Variants in CRHR1 observed in about 807,000 individuals in gnomAD.
CRHR1 encodes corticotropin releasing hormone receptor 1.
In CRHR1, 28 loss-of-function variants were observed where a neutral mutation model predicts 56.0. That is an observed-to-expected ratio of 0.50 (90% CI 0.37 to 0.69). The LOEUF (loss-of-function observed/expected upper bound fraction) is 0.69, where lower values mean the gene tolerates loss of function less well. Ranked by LOEUF, CRHR1 falls within the 30% of genes least tolerant of loss-of-function variation. The probability of loss-of-function intolerance (pLI) is 0.00; values close to 1 mark genes in which losing one functional copy is unlikely to be tolerated. For missense variants in CRHR1, 376 were observed against 548.0 expected, an observed-to-expected ratio of 0.69 and a Z score of 3.13; for synonymous variants, 195 against 216.5, an observed-to-expected ratio of 0.90 and a Z score of 0.87.
At chr17:45,833,693 T>TGGGGGGGGGGCCCCC in intron 10 of CRHR1, 21 bp from the exon 11 acceptor site, 9 of 1,571,600 alleles carry the variant, frequency 5.7e-6, no homozygotes, top group Non-Finnish European at 7.8e-6. Flanking sequence ...ACTCCGAGCC[T>TGGGGGGGGGGCCCCC]CCCCACCCGC....
intron 1 of CRHR1, among the ~76,000 whole-genome samples, chr17:45,802,944 G>T (rs576131986): frequency 4.6e-5 from 7 of 152,128 alleles, no homozygotes; most frequent in African/African-American, 1.7e-4. Flanking sequence ...GGTGGTTTTC[G>T]TGCACTTAGG....
rs758724600 is a variant in CRHR1 at position 45,829,276 on chromosome 17, C to T, written c.389C>T (p.Ser130Phe). ...ATCAACTACCTGGGCCACTGTATCT[C>T]CCTGGTGGCCCTCCTGGTGGCCTTT... is the stretch of plus-strand genomic sequence containing the variant. ...VIINYLGHCI[S>F]LVALLVAFVL... The change falls in exon 5 of 13, where the codon TCC (serine) becomes TTC (phenylalanine). Residue 130 changes from serine to phenylalanine, a missense_variant. This residue lies in a region of CRHR1 where 369 missense variants were observed against 519.5 expected (regional missense o/e 0.71). Coordinates refer to ENST00000314537, the MANE Select transcript of CRHR1 (RefSeq NM_004382.5). 1 of 1,614,134 alleles carries T rather than the reference C, an allele frequency of 6.2e-7. No homozygotes were observed. Among genetic ancestry groups the T allele is most frequent in the Non-Finnish European group, 8.5e-7 (1 of 1,180,036 alleles).
chr17:45,821,335 CCT>C lies in CRHR1; in HGVS notation c.242-13_242-12del. On this transcript the variant is annotated intron_variant, in intron 3 of 12. Coordinates refer to ENST00000314537, the MANE Select transcript of CRHR1 (RefSeq NM_004382.5). ...GGCCGGGGCTGCCCCGCCATCACTG[CCT>C]CTCTCTTCCTTTTCCAGACAATGGC... The C allele has an allele frequency of 6.2e-7, 1 of 1,611,848 alleles. No homozygotes were observed. The highest frequency in any genetic ancestry group is 1.1e-5 in the South Asian group (1 of 91,056).
chr17:45,807,072 C>G lies in CRHR1; in HGVS notation c.96C>G (p.Ser32Arg). 1 of 1,614,084 alleles carries G rather than the reference C, an allele frequency of 6.2e-7. No individual in the cohort carries two copies. Among genetic ancestry groups the G allele is most frequent in the Non-Finnish European group, 8.5e-7 (1 of 1,179,996 alleles). ...SASLQDQHCE[S>R]LSLASNISGL... ...CCCTCCAGGACCAGCACTGCGAGAGCCTGTCCCTGGCCAGCAACATCTCAG... is the reference window on the plus strand; with the variant it reads ...CCCTCCAGGACCAGCACTGCGAGAGGCTGTCCCTGGCCAGCAACATCTCAG... The change falls in exon 2 of 13, where the codon AGC becomes AGG. Residue 32 changes from serine to arginine, a missense_variant. Transcript: ENST00000314537.
chr17:45,815,354 C>A (rs989799271), intron 2 of CRHR1, among the ~76,000 whole-genome samples: 7 of 152,202 alleles, frequency 4.6e-5, no homozygotes, highest in African/African-American at 1.4e-4. Flanking sequence ...CTTTGGAGGC[C>A]ATATCCACCC....
intron 2 of CRHR1, among the ~76,000 whole-genome samples, chr17:45,810,442 G>T (rs1368199260): frequency 6.6e-6 from 1 of 152,180 alleles, no homozygotes; most frequent in Non-Finnish European, 1.5e-5. Context: ...GCTCAGAGAA[G>T]TTAAACGAGT....
Position 45,833,698 on chromosome 17 carries a change from ACCCGC to A in CRHR1, c.930-12_930-8del. 2.9e-6 allele frequency: 1 copy of A among 340,388 alleles called. No individual in the cohort carries two copies. Among genetic ancestry groups the A allele is most frequent in the Non-Finnish European group, 4.8e-6 (1 of 208,372 alleles). 21.1% of individuals were successfully genotyped at this position (340,388 alleles called of 1,614,324 possible). A position where few individuals can be genotyped will look rare whatever the true frequency, so the allele number is the denominator to read the frequency against. On this transcript the variant is annotated splice_polypyrimidine_tract_variant and intron_variant, in intron 10 of 12. Transcript: ENST00000314537. ...GTGGGCTGTGACTCCGAGCCTCCCC[ACCCGC>A]CCCACCCCAGGAAGGCTGTGAAAGC...
intron 1 of CRHR1, among the ~76,000 whole-genome samples, chr17:45,791,742 C>T (rs962657394): frequency 1.3e-5 from 2 of 151,996 alleles, no homozygotes; most frequent in African/African-American, 2.4e-5. Flanking sequence ...GGCTGCTCCT[C>T]CTCCCCAGAA....
Position 45,835,000 on chromosome 17 carries a change from G to A in CRHR1, c.*236G>A, listed in dbSNP as rs1326428570. ...CGGGCCCAGGGCCTCTGGCTTCCCT[G>A]CCCAATCCTCCCTGGAGAAGGGACA... On this transcript the variant is annotated 3_prime_UTR_variant, in exon 13 of 13. Transcript: ENST00000314537. The A allele has an allele frequency of 3.5e-6, 2 of 571,110 alleles. No individual in the cohort carries two copies. The highest frequency in any genetic ancestry group is 5.0e-5 in the South Asian group (2 of 40,394). The allele number at this position is 571,110 out of a possible 1,614,324, so 35.4% of individuals were successfully genotyped here.
chr17:45,817,262 C>A (rs563096653), intron 3 of CRHR1, among the ~76,000 whole-genome samples: 1 of 152,248 alleles, frequency 6.6e-6, no homozygotes, highest in Non-Finnish European at 1.5e-5. Context: ...TTGCTCTCCC[C>A]TGTCAATGAG....
intron 1 of CRHR1, among the ~76,000 whole-genome samples, chr17:45,801,253 G>A (rs963463164): frequency 3.9e-5 from 6 of 152,068 alleles, no homozygotes; most frequent in Non-Finnish European, 7.4e-5. Context: ...CTTGACCTGC[G>A]CCTGGCCAGC....
chr17:45,814,565 G>T (rs2061889008), intron 2 of CRHR1, among the ~76,000 whole-genome samples: 1 of 152,202 alleles, frequency 6.6e-6, no homozygotes, highest in South Asian at 2.1e-4. Flanking sequence ...AATAGATGAA[G>T]AGCTTTGAAA....
At chr17:45,830,395 C>T in intron 6 of CRHR1, 22 bp from the exon 7 acceptor site, 1 of 1,594,936 alleles carries the variant, frequency 6.3e-7, no homozygotes, top group Non-Finnish European at 8.6e-7. Context: ...ATCATCATCT[C>T]TGGTTGGGGG....
chr17:45,800,732 G>C (rs1438822973), intron 1 of CRHR1: 1 of 152,326 alleles, frequency 6.6e-6, no homozygotes, highest in African/African-American at 2.4e-5. Context: ...CCGAAGGCCA[G>C]TGCGGTCCCT....
At position 45,834,793 on chromosome 17, in the gene CRHR1, G is replaced by C. The variant is rs16940681; in HGVS notation, c.*29G>C. The C allele has an allele frequency of 0.19, 304,345 of 1,612,660 alleles. 32,763 individuals are homozygous for C. Among genetic ancestry groups the C allele is most frequent in the Non-Finnish European group, 0.22 (261,202 of 1,179,530 alleles). On this transcript the variant is annotated 3_prime_UTR_variant, in exon 13 of 13. Transcript: ENST00000314537. ...GGCAGGTCATGGAGCAGCCCCCAAA[G>C]AGCTGTGGCTGGGGGGATGACGGCC...
Position 45,834,736 on chromosome 17 carries a change from A to G in CRHR1, c.1220A>G (p.His407Arg), listed in dbSNP as rs758867307. ...ACCTCCCCAACCCGTGTCAGCTTTC[A>G]CAGCATCAAGCAGTCCACAGCAGTC... The part of the protein sequence containing the change: ...IPTSPTRVSF[H>R]SIKQSTAV The change falls in exon 13 of 13, where the codon CAC becomes CGC. Residue 407 changes from histidine to arginine, a missense_variant. Physicochemically the swap from His to Arg is conservative, Grantham distance 29. Coordinates refer to ENST00000314537, the MANE Select transcript of CRHR1 (RefSeq NM_004382.5). 6.2e-7 allele frequency: 1 copy of G among 1,613,738 alleles called. No homozygotes were observed. The highest frequency in any genetic ancestry group is 1.1e-5 in the South Asian group (1 of 91,070).
chr17:45,803,775 T>TGTGTGC lies in CRHR1; in HGVS notation c.34-3234_34-3233insTGTGCG, dbSNP rs71138510. Among the ~76,000 whole-genome samples the TGTGTGC allele has an allele frequency of 5.7e-3, 853 of 150,444 alleles. 2 individuals are homozygous for TGTGTGC. The highest frequency in any genetic ancestry group is 8.4e-3 in the African/African-American group (342 of 40,948). On this transcript the variant is annotated intron_variant, in intron 1 of 12. Transcript: ENST00000314537. ...GAGAGTGCGTGTGTGTGTGTGTGTGTGCGTGCGCGTGCGCGTGTGTGCATG... is the reference window on the plus strand; with the variant it reads ...GAGAGTGCGTGTGTGTGTGTGTGTGTGTGTGCGCGTGCGCGTGCGCGTGTGTGCATG...
At chr17:45,819,719 T>C (rs529176335) in intron 3 of CRHR1, among the ~76,000 whole-genome samples, 1 of 152,246 alleles carries the variant, frequency 6.6e-6, no homozygotes, top group East Asian at 1.9e-4. Context: ...TCCCTGAGAC[T>C]GCGGTCCACT....
intron 3 of CRHR1, among the ~76,000 whole-genome samples, chr17:45,818,627 A>T (rs963945360): frequency 6.6e-6 from 1 of 152,204 alleles, no homozygotes; most frequent in African/African-American, 2.4e-5. Context: ...ACATGGGGTC[A>T]GTCTGTGAGG....
Sources: allele counts gnomAD v4.1 joint callset (sites outside exome capture counted in the v4.1 genomes callset), GRCh38; gene constraint gnomAD v4.1.1; regional missense constraint gnomAD v4.1.1; transcripts MANE v1.5; gene names NCBI Gene and HGNC (gene_info 2026-07-23, HGNC 2026-07-21).